Variants in NAALADL2 observed in about 807,000 individuals in gnomAD.
NAALADL2 encodes the protein N-acetylated alpha-linked acidic dipeptidase like 2, also known as inactive N-acetylated-alpha-linked acidic dipeptidase-like protein 2.
Under a neutral mutation model 87.2 loss-of-function variants are expected in NAALADL2, and 76 were observed. The ratio of observed to expected loss-of-function variants is 0.87; its 90% confidence interval spans 0.72 to 1.05. The LOEUF (loss-of-function observed/expected upper bound fraction) is 1.05, where lower values mean the gene tolerates loss of function less well. Ranked by LOEUF, NAALADL2 falls within the 50% of genes least tolerant of loss-of-function variation. The probability of loss-of-function intolerance (pLI) is 0.00; values close to 1 mark genes in which losing one functional copy is unlikely to be tolerated. For synonymous variants in NAALADL2, 354 were observed against 331.0 expected, an observed-to-expected ratio of 1.07 and a Z score of -0.75; for missense variants, 1,089 against 945.8, an observed-to-expected ratio of 1.15 and a Z score of -1.99.
At position 175,232,120 on chromosome 3, in the gene NAALADL2, G is replaced by T. The variant is rs73045228; in HGVS notation, c.546-1811G>T. On this transcript the variant is annotated intron_variant, in intron 2 of 13. Transcript: ENST00000454872. The stretch of plus-strand genomic sequence containing the variant: ...TAAAAAGAAGAAGGAGAAGGAGAAA[G>T]AAGGAGAAGGGGAAGAGGAAGAGGA... Among the ~76,000 whole-genome samples the T allele has an allele frequency of 1.9e-3, 286 of 151,924 alleles. 3 individuals carry two copies. The highest frequency in any genetic ancestry group is 6.0e-3 in the South Asian group (29 of 4,810).
At chr3:175,387,009 A>G (rs184788708) in intron 5 of NAALADL2, among the ~76,000 whole-genome samples, 2 of 152,276 alleles carry the variant, frequency 1.3e-5, no homozygotes, top group Admixed American at 6.5e-5. Context: ...AACTTATTCT[A>G]AAGTTGTTAA....
chr3:174,839,269 A>C (rs1046147496), intron 3 of NAALADL2, among the ~76,000 whole-genome samples: 7 of 152,152 alleles, frequency 4.6e-5, no homozygotes, highest in African/African-American at 1.7e-4. Context: ...AACAAATGGT[A>C]CTGGGATAAT....
At chr3:174,736,606 G>T (rs1733226147) in intron 2 of NAALADL2, among the ~76,000 whole-genome samples, 1 of 152,112 alleles carries the variant, frequency 6.6e-6, no homozygotes, top group African/African-American at 2.4e-5. Flanking sequence ...GTCTGGCTGA[G>T]TCCGGGGTTT....
intron 2 of NAALADL2, among the ~76,000 whole-genome samples, chr3:174,646,955 T>A (rs928041770): frequency 7.2e-5 from 11 of 152,138 alleles, no homozygotes; most frequent in Admixed American, 6.6e-5. Flanking sequence ...ATTCACCAGT[T>A]TTTAATGGTA....
At chr3:175,769,516 G>A (rs556386244) in intron 13 of NAALADL2, among the ~76,000 whole-genome samples, 3 of 152,268 alleles carry the variant, frequency 2.0e-5, no homozygotes, top group African/African-American at 4.8e-5. Flanking sequence ...TAGGTAGATT[G>A]TAACATACTT....
intron 2 of NAALADL2, among the ~76,000 whole-genome samples, chr3:174,666,542 A>C (rs571725292): frequency 6.6e-6 from 1 of 152,296 alleles, no homozygotes; most frequent in South Asian, 2.1e-4. Flanking sequence ...TTATTTGGGC[A>C]TCGTTTCTGT....
chr3:174,582,723 A>T (rs952978846), intron 2 of NAALADL2, among the ~76,000 whole-genome samples: 2 of 152,084 alleles, frequency 1.3e-5, no homozygotes, highest in Admixed American at 6.6e-5. Context: ...CTGGGATTAC[A>T]GGCACACGCC....
intron 3 of NAALADL2, among the ~76,000 whole-genome samples, chr3:174,849,319 A>G (rs866391961): frequency 6.6e-6 from 1 of 152,246 alleles, no homozygotes; most frequent in African/African-American, 2.4e-5. Flanking sequence ...TTGTAATAAC[A>G]TTCAGCTTAA....
chr3:174,855,014 G>A (rs1725698065), upstream of NAALADL2, among the ~76,000 whole-genome samples: 1 of 151,156 alleles, frequency 6.6e-6, no homozygotes, highest in Non-Finnish European at 1.5e-5. Flanking sequence ...ATTTTTGTAG[G>A]TTTTAGTAGA....
At chr3:175,654,300 T>C (rs768992197) in intron 11 of NAALADL2, among the ~76,000 whole-genome samples, 7 of 152,190 alleles carry the variant, frequency 4.6e-5, no homozygotes, top group Non-Finnish European at 7.3e-5. Flanking sequence ...GCAGGTAGCT[T>C]TTCTTCTCAA....
intron 1 of NAALADL2, among the ~76,000 whole-genome samples, chr3:174,871,839 C>T (rs1359123097): frequency 6.6e-6 from 1 of 152,114 alleles, no homozygotes; most frequent in East Asian, 1.9e-4. Context: ...GTGGAGGTTG[C>T]ACTGAGCTGA....
intron 2 of NAALADL2, among the ~76,000 whole-genome samples, chr3:174,628,070 T>G (rs1401068604): frequency 2.0e-5 from 3 of 152,220 alleles, no homozygotes; most frequent in Non-Finnish European, 2.9e-5. Context: ...CAAGTGTATT[T>G]GTACCCCTAA....
intron 2 of NAALADL2, among the ~76,000 whole-genome samples, chr3:174,682,387 A>ACT (rs1260951615): frequency 7.2e-5 from 11 of 152,140 alleles, no homozygotes; most frequent in Non-Finnish European, 8.8e-5. Context: ...CTGTTGATAG[A>ACT]GCCCTAGGTC....
intron 2 of NAALADL2, chr3:174,551,355 A>G (rs115531926): frequency 9.7e-4 from 147 of 152,306 alleles, no homozygotes; most frequent in African/African-American, 3.2e-3. Flanking sequence ...TATGGCTAAT[A>G]TATTACCAGA....
At chr3:174,606,529 G>T (rs1192985314) in intron 2 of NAALADL2, among the ~76,000 whole-genome samples, 1 of 152,222 alleles carries the variant, frequency 6.6e-6, no homozygotes, top group African/African-American at 2.4e-5. Context: ...GAATTCAGAA[G>T]CCTCAGGAGT....
At chr3:174,661,782 A>G (rs1725527952) in intron 2 of NAALADL2, among the ~76,000 whole-genome samples, 1 of 152,172 alleles carries the variant, frequency 6.6e-6, no homozygotes, top group South Asian at 2.1e-4. Flanking sequence ...GTCCATGGAT[A>G]AAGAAATATC....
chr3:175,068,092 G>A (rs75804324), intron 1 of NAALADL2, among the ~76,000 whole-genome samples: 16,918 of 151,890 alleles, frequency 0.11, 1,061 homozygotes, highest in East Asian at 0.21. Context: ...TATTACAGTC[G>A]GGGGAAAGGA....
intron 4 of NAALADL2, among the ~76,000 whole-genome samples, chr3:175,258,081 G>C (rs946071810): frequency 2.6e-5 from 4 of 152,002 alleles, no homozygotes; most frequent in African/African-American, 9.7e-5. Context: ...GGCCGAGGTG[G>C]GCAGAGCACG....
chr3:174,641,095 C>T (rs1047204843), intron 2 of NAALADL2, among the ~76,000 whole-genome samples: 1 of 151,850 alleles, frequency 6.6e-6, no homozygotes, highest in South Asian at 2.1e-4. Context: ...TTGACCTGGG[C>T]GGGCCTGGCT....
Sources: allele counts gnomAD v4.1 joint callset (sites outside exome capture counted in the v4.1 genomes callset), GRCh38; gene constraint gnomAD v4.1.1; transcripts MANE v1.5; gene names NCBI Gene and HGNC (gene_info 2026-07-23, HGNC 2026-07-21).